Variants in TDP1 observed in about 807,000 individuals in gnomAD.
TDP1 encodes tyrosyl-DNA phosphodiesterase 1.
Under a neutral mutation model 81.5 loss-of-function variants are expected in TDP1, and 64 were observed. That is an observed-to-expected ratio of 0.79 (90% CI 0.64 to 0.97). TDP1 has a LOEUF of 0.97. Ranked by LOEUF, TDP1 falls within the 50% of genes least tolerant of loss-of-function variation. The probability of loss-of-function intolerance (pLI) is 0.00; values close to 1 mark genes in which losing one functional copy is unlikely to be tolerated. For missense variants in TDP1, 723 were observed against 743.8 expected (o/e 0.97, Z 0.33); for synonymous variants, 256 against 264.3 (o/e 0.97, Z 0.30).
intron 16 of TDP1, among the ~76,000 whole-genome samples, chr14:90,041,612 G>T (rs35111848): frequency 0.025 from 3,839 of 152,342 alleles, 58 homozygotes; most frequent in Non-Finnish European, 0.039. Context: ...CCAGAGGCGA[G>T]TTCGCAGTTG....
At chr14:89,988,742 C>T in intron 10 of TDP1, 163 bp from the exon 11 acceptor site, 1 of 984,090 alleles carries the variant, frequency 1.0e-6, no homozygotes. Flanking sequence ...AAAAAATTTC[C>T]CAAAGAAGAA....
intron 15 of TDP1, among the ~76,000 whole-genome samples, chr14:90,024,221 G>C (rs988554604): frequency 6.6e-6 from 1 of 152,106 alleles, no homozygotes; most frequent in African/African-American, 2.4e-5. Context: ...GGTACTTACT[G>C]TTTATGCTGT....
At position 90,043,261 on chromosome 14, in the gene TDP1, T is replaced by C. The variant is rs1392627333; in HGVS notation, c.*118T>C. On this transcript the variant is annotated 3_prime_UTR_variant, in exon 17 of 17. Transcript: ENST00000335725. ...CTTATTTGCACCCTTACAAAATCTT[T>C]CCAAAGGTCACTCTTATGAATGGAT... 6 of 1,241,926 alleles carry C rather than the reference T, an allele frequency of 4.8e-6. No individual in the cohort carries two copies. Among genetic ancestry groups the C allele is most frequent in the Admixed American group, 1.9e-5 (1 of 51,956 alleles). 76.9% of individuals were successfully genotyped at this position (1,241,926 alleles called of 1,614,324 possible).
chr14:89,971,154 A>AT (rs1159685188), intron 5 of TDP1, 21 bp from the exon 6 acceptor site: 1 of 1,604,382 alleles, frequency 6.2e-7, no homozygotes, highest in Admixed American at 1.7e-5. Flanking sequence ...TGTATATTAA[A>AT]TACTAATGCT....
chr14:89,964,898 T>C lies in TDP1; in HGVS notation c.559+1225T>C, dbSNP rs187355976. The C allele has an allele frequency of 8.6e-4, 379 of 443,024 alleles. 2 individuals carry two copies. Among genetic ancestry groups the C allele is most frequent in the African/African-American group, 7.1e-3 (350 of 49,492 alleles). 27.4% of individuals were successfully genotyped at this position (443,024 alleles called of 1,614,324 possible). ...ACAATCGTATTCCTTGGATAAATGA[T>C]GCATCTGCACTTTAGAAAAGTGCCC... On this transcript the variant is annotated intron_variant, in intron 3 of 16. Transcript: ENST00000335725.
At position 89,984,473 on chromosome 14, in the gene TDP1, C is replaced by T. The variant is rs571894604; in HGVS notation, c.885-43C>T. The T allele has an allele frequency of 2.1e-5, 34 of 1,612,506 alleles. No individual in the cohort carries two copies. The East Asian group carries it at 6.9e-4, about 33-fold the overall frequency. ...TAATCGATACAGAGATCATTATGAT[C>T]AGTTGTGTGCCTGACTGTTAAAGGT... On this transcript the variant is annotated intron_variant, in intron 8 of 16. Transcript: ENST00000335725.
chr14:89,987,884 T>TA (rs1037677223), intron 10 of TDP1, among the ~76,000 whole-genome samples: 18 of 151,952 alleles, frequency 1.2e-4, no homozygotes, highest in African/African-American at 3.9e-4. Flanking sequence ...ACATTTTTTT[T>TA]AAAGAAATAT....
intron 14 of TDP1, among the ~76,000 whole-genome samples, chr14:90,014,935 G>T (rs1036996059): frequency 6.6e-6 from 1 of 152,124 alleles, no homozygotes; most frequent in Non-Finnish European, 1.5e-5. Flanking sequence ...TCCCCCATGT[G>T]TTACCATGAA....
At chr14:89,983,442 G>C (rs1895220692) in intron 8 of TDP1, among the ~76,000 whole-genome samples, 1 of 152,228 alleles carries the variant, frequency 6.6e-6, no homozygotes, top group Non-Finnish European at 1.5e-5. Flanking sequence ...AGTCCTTGCA[G>C]TTCTGGATGC....
chr14:90,001,934 T>A (rs1897225124), intron 14 of TDP1, among the ~76,000 whole-genome samples: 1 of 152,202 alleles, frequency 6.6e-6, no homozygotes, highest in African/African-American at 2.4e-5. Context: ...TTTGCTTCCC[T>A]GTGTCATGAG....
At position 89,963,207 on chromosome 14, in the gene TDP1, T is replaced by G. The variant is rs760727005; in HGVS notation, c.93T>G (p.Ser31=). ...EKPKPDKPST[S]SLLCARQGAA... ...CAAAACCAGACAAGCCATCTACCTC[T>G]TCTCTTCTCTGTGCCAGGCAAGGAG... is the stretch of plus-strand genomic sequence containing the variant. Residue 31 remains serine (S), a synonymous_variant, in exon 3 of 17, where the codon TCT becomes TCG. Transcript: ENST00000335725. 6.2e-7 allele frequency: 1 copy of G among 1,614,116 alleles called. No homozygotes were observed. The highest frequency in any genetic ancestry group is 8.5e-7 in the Non-Finnish European group (1 of 1,179,998).
At chr14:89,981,832 C>G (rs1025095419) in intron 8 of TDP1, among the ~76,000 whole-genome samples, 1 of 152,068 alleles carries the variant, frequency 6.6e-6, no homozygotes, top group Non-Finnish European at 1.5e-5. Context: ...ACTGCAGGCA[C>G]GTACCACCAC....
At chr14:89,989,875 A>T in intron 12 of TDP1, 110 bp downstream of exon 12, 1 of 835,490 alleles carries the variant, frequency 1.2e-6, no homozygotes, top group Non-Finnish European at 2.1e-6. Context: ...TCACTTAACT[A>T]TATAAGGATC....
chr14:89,958,887 CATAAA>C (rs954925490), intron 2 of TDP1, among the ~76,000 whole-genome samples: 4 of 152,224 alleles, frequency 2.6e-5, no homozygotes, highest in African/African-American at 4.8e-5. Flanking sequence ...CATTCTTTTA[CATAAA>C]ATAAACTTTA....
chr14:90,032,923 G>A lies in TDP1; in HGVS notation c.1645-183G>A, dbSNP rs559329926. ...AATTAAAGCTCTTATGTTTAGAAAG[G>A]AAAATAATTTGGGGCGGGGGGGTTG... is the stretch of plus-strand genomic sequence containing the variant. On this transcript the variant is annotated intron_variant, in intron 15 of 16. Coordinates refer to ENST00000335725, the MANE Select transcript of TDP1 (RefSeq NM_018319.4). 1.0e-4 allele frequency: 98 copies of A among 937,578 alleles called. 1 individual carries two copies. In the South Asian group the frequency reaches 2.5e-3, roughly 24 times the overall value. The allele number at this position is 937,578 out of a possible 1,614,324, so 58.1% of individuals were successfully genotyped here. A position where few individuals can be genotyped will look rare whatever the true frequency, so the allele number is the denominator to read the frequency against.
At position 89,993,430 on chromosome 14, in the gene TDP1, A is replaced by C; in HGVS notation, c.1488A>C (p.Thr496=). The part of the protein sequence containing the change: ...GRSNAMPHIK[T]YMRPSPDFSK... ...GCAATGCCATGCCACATATTAAGAC[A>C]TATATGAGGCCTTCTCCAGACTTCA... The change falls in exon 14 of 17, where the codon ACA becomes ACC. Residue 496 remains threonine (T), a synonymous_variant. Transcript: ENST00000335725. 2 of 1,613,910 alleles carry C rather than the reference A, an allele frequency of 1.2e-6. No individual in the cohort carries two copies. The highest frequency in any genetic ancestry group is 1.1e-5 in the South Asian group (1 of 91,070).
intron 7 of TDP1, among the ~76,000 whole-genome samples, chr14:89,977,688 T>G (rs1354225192): frequency 6.6e-6 from 1 of 152,234 alleles, no homozygotes; most frequent in Non-Finnish European, 1.5e-5. Context: ...AGCTTTTTCT[T>G]TGGTGAGAGA....
At chr14:90,023,967 A>T (rs1160584720) in intron 15 of TDP1, among the ~76,000 whole-genome samples, 1 of 152,094 alleles carries the variant, frequency 6.6e-6, no homozygotes, top group Non-Finnish European at 1.5e-5. Flanking sequence ...ATGCTTCTTG[A>T]TAATCTGTTC....
chr14:89,982,997 G>T, intron 8 of TDP1: 1 of 403,186 alleles, frequency 2.5e-6, no homozygotes, highest in Non-Finnish European at 4.9e-6. Context: ...TCACAGTAAA[G>T]AATAAAATAA....
Sources: gnomAD v4.1 joint callset for allele counts (sites outside exome capture counted in the v4.1 genomes callset) on GRCh38, gnomAD v4.1.1 for gene constraint, MANE v1.5 for transcripts, NCBI Gene and HGNC (gene_info 2026-07-23, HGNC 2026-07-21) for gene names.